The following TCTN3 variants were observed in gnomAD, a reference collection of about 807,000 sequenced individuals.
The protein encoded by TCTN3 is tectonic-3.
In TCTN3, 57 loss-of-function variants were observed where a neutral mutation model predicts 71.3. That is an observed-to-expected ratio of 0.80 (90% confidence interval 0.65 to 1.00). TCTN3 has a LOEUF of 1.00. TCTN3 is among the 50% of genes least tolerant of loss of function. The pLI is 0.00. For missense variants in TCTN3, 696 were observed against 719.9 expected, an observed-to-expected ratio of 0.97 and a Z score of 0.38; for synonymous variants, 258 against 267.8, an observed-to-expected ratio of 0.96 and a Z score of 0.36.
intron 3 of TCTN3, among the ~76,000 whole-genome samples, chr10:95,688,644 G>C (rs12358517): frequency 0.073 from 11,132 of 151,892 alleles, 448 homozygotes; most frequent in African/African-American, 0.098. Flanking sequence ...CTCAAGTTTA[G>C]AGATTTGTTG....
At chr10:95,679,591 T>C (rs1442140801) in intron 13 of TCTN3, among the ~76,000 whole-genome samples, 1 of 91,890 alleles carries the variant, frequency 1.1e-5, no homozygotes, top group East Asian at 2.7e-4. Context: ...TTCTTTTTTT[T>C]TTTTTTTTTT....
rs1418374917 is a variant in TCTN3, at chr10:95,693,376, G to A, written c.357C>T (p.Ser119=). Residue 119 remains serine (S), a synonymous_variant, in exon 2 of 14, where the codon TCC becomes TCT. Coordinates refer to ENST00000371217, the MANE Select transcript of TCTN3 (RefSeq NM_015631.6). The stretch of plus-strand genomic sequence containing the variant: ...ACCTTACGCTGCCTGGAAGGCAGAA[G>A]GAGAAAACTGTCCTCGGATGGAGAA... ...CYLLHPRTVF[S]FCLPGSVRSS... The A allele has an allele frequency of 1.9e-6, 3 of 1,551,908 alleles. No individual in the cohort carries two copies. Among genetic ancestry groups the A allele is most frequent in the Admixed American group, 2.0e-5 (1 of 51,010 alleles).
chr10:95,676,454 C>T (rs1197893240), intron 13 of TCTN3, among the ~76,000 whole-genome samples: 1 of 152,026 alleles, frequency 6.6e-6, no homozygotes, highest in African/African-American at 2.4e-5. Context: ...ATCTGCCCAC[C>T]TTGGCCTCCC....
Position 95,693,817 on chromosome 10 carries a change from G to T in TCTN3, c.83C>A (p.Pro28Gln). Residue 28 changes from proline to glutamine, a missense_variant, in exon 1 of 14, where the codon CCA becomes CAA. Coordinates refer to ENST00000371217, the MANE Select transcript of TCTN3 (RefSeq NM_015631.6). The stretch of plus-strand genomic sequence containing the variant: ...CAAAGACGTGGGCACTGCCCCTGAT[G>T]GGGAGGAAGAGGGCTGAGGCCGGAC... ...DGVRPQPSSS[P>Q]SGAVPTSLEL... is the part of the protein sequence containing the mutation. The T allele has an allele frequency of 3.9e-6, 6 of 1,551,734 alleles. No individual in the cohort carries two copies. Among genetic ancestry groups the T allele is most frequent in the Non-Finnish European group, 5.2e-6 (6 of 1,146,998 alleles).
chr10:95,668,787 C>T (rs531150307), intron 13 of TCTN3, among the ~76,000 whole-genome samples: 1 of 152,254 alleles, frequency 6.6e-6, no homozygotes, highest in South Asian at 2.1e-4. Flanking sequence ...GTCCCACGAC[C>T]ACTGCGGGGC....
intron 13 of TCTN3, among the ~76,000 whole-genome samples, chr10:95,676,150 T>A (rs757896966): frequency 6.6e-5 from 10 of 152,184 alleles, no homozygotes; most frequent in Non-Finnish European, 7.3e-5. Context: ...CAGAGATGTA[T>A]CCTCTGAAAG....
intron 12 of TCTN3, among the ~76,000 whole-genome samples, chr10:95,682,435 A>T (rs1483589386): frequency 1.3e-5 from 2 of 151,958 alleles, no homozygotes; most frequent in Non-Finnish European, 2.9e-5. Context: ...TGGAGGTTGC[A>T]GTGAACCGAG....
At chr10:95,679,678 G>A (rs1271859184) in intron 13 of TCTN3, among the ~76,000 whole-genome samples, 5 of 136,030 alleles carry the variant, frequency 3.7e-5, no homozygotes, top group South Asian at 2.5e-4. Context: ...TGCAAGCTCC[G>A]CCTCTCGGGT....
At chr10:95,681,562 G>A (rs1240788990) in intron 12 of TCTN3, among the ~76,000 whole-genome samples, 1 of 152,184 alleles carries the variant, frequency 6.6e-6, no homozygotes, top group Non-Finnish European at 1.5e-5. Context: ...AGCCATCAGA[G>A]AGCCTCGAAA....
At chr10:95,687,433 G>C in intron 4 of TCTN3, 78 bp from the exon 5 acceptor site, 1 of 1,510,660 alleles carries the variant, frequency 6.6e-7, no homozygotes, top group Non-Finnish European at 9.0e-7. Context: ...GTAGAAACAA[G>C]GTTAACTCAA....
chr10:95,667,812 T>C lies in TCTN3; in HGVS notation c.1591-3512A>G, dbSNP rs560113564. ...AGTTCCAGCAAAGACATAAAGATAC[T>C]AACTGCTCCACAGTGAAGGCCACAA... On this transcript the variant is annotated intron_variant, in intron 13 of 13. Transcript: ENST00000371217. Among the ~76,000 whole-genome samples the C allele has an allele frequency of 2.0e-5, 3 of 152,314 alleles. No homozygotes were observed. In the East Asian group the frequency reaches 5.8e-4, roughly 29 times the overall value.
chr10:95,668,229 A>T (rs1006052550), intron 13 of TCTN3, among the ~76,000 whole-genome samples: 2 of 146,590 alleles, frequency 1.4e-5, no homozygotes, highest in Non-Finnish European at 3.0e-5. Flanking sequence ...CAATCTAGCG[A>T]CACCCTAACA....
At chr10:95,690,847 A>G (rs1005152919) in intron 3 of TCTN3, among the ~76,000 whole-genome samples, 1 of 151,520 alleles carries the variant, frequency 6.6e-6, no homozygotes, top group African/African-American at 2.4e-5. Context: ...ATGTGTGTAT[A>G]TGTGAGGAAG....
intron 3 of TCTN3, among the ~76,000 whole-genome samples, chr10:95,688,313 C>T (rs2097950385): frequency 6.8e-6 from 1 of 146,388 alleles, no homozygotes; most frequent in Non-Finnish European, 1.5e-5. Flanking sequence ...TTGCTTGAAC[C>T]TGGGAGGCAG....
chr10:95,685,434 A>T (rs977186785), intron 8 of TCTN3, 122 bp downstream of exon 8: 1 of 678,606 alleles, frequency 1.5e-6, no homozygotes, highest in Non-Finnish European at 2.4e-6. Context: ...TGCATTCCCA[A>T]CATTGTTAGA....
intron 13 of TCTN3, among the ~76,000 whole-genome samples, chr10:95,667,187 G>A (rs1311675638): frequency 6.6e-6 from 1 of 152,062 alleles, no homozygotes; most frequent in Admixed American, 6.5e-5. Context: ...AAAATTGTTC[G>A]AACTGAGTTG....
chr10:95,680,080 C>T (rs1008868552), intron 13 of TCTN3, among the ~76,000 whole-genome samples: 1 of 152,196 alleles, frequency 6.6e-6, no homozygotes, highest in Non-Finnish European at 1.5e-5. Context: ...AAACTAGTCA[C>T]AGCGGTAACT....
chr10:95,677,900 G>A (rs1265633951), intron 13 of TCTN3, among the ~76,000 whole-genome samples: 1 of 152,172 alleles, frequency 6.6e-6, no homozygotes, highest in South Asian at 2.1e-4. Flanking sequence ...CTGAATGTCT[G>A]GGAAATTCTT....
chr10:95,685,423 T>C (rs2097947284), intron 8 of TCTN3, 133 bp downstream of exon 8: 9 of 603,790 alleles, frequency 1.5e-5, no homozygotes, highest in East Asian at 3.0e-5. Flanking sequence ...TACAACAAGT[T>C]TGCATTCCCA....
Sources: allele counts gnomAD v4.1 joint callset (sites outside exome capture counted in the v4.1 genomes callset), GRCh38; gene constraint gnomAD v4.1.1; transcripts MANE v1.5; gene names NCBI Gene and HGNC (gene_info 2026-07-23, HGNC 2026-07-21).